NCAPG: variants seen among roughly 807,000 people sequenced by gnomAD.
NCAPG encodes the protein condensin complex subunit 3.
Under a neutral mutation model 113.1 loss-of-function variants are expected in NCAPG, and 69 were observed. The ratio of observed to expected loss-of-function variants is 0.61; its 90% CI spans 0.50 to 0.75. The LOEUF (loss-of-function observed/expected upper bound fraction) is 0.75, where lower values mean the gene tolerates loss of function less well. Ranked by LOEUF, NCAPG falls within the 30% of genes least tolerant of loss-of-function variation. The pLI, the probability that NCAPG is intolerant of heterozygous loss-of-function variation, is 0.00. For synonymous variants in NCAPG, 370 were observed against 415.8 expected (o/e 0.89, Z 1.34); for missense variants, 1,058 against 1,177.0 (o/e 0.90, Z 1.48).
Position 17,815,341 on chromosome 4 carries a change from G to C in NCAPG, c.758G>C (p.Gly253Ala), listed in dbSNP as rs1409863021. 1 of 1,585,382 alleles carries C rather than the reference G, an allele frequency of 6.3e-7. No individual in the cohort carries two copies. The highest frequency in any genetic ancestry group is 8.5e-7 in the Non-Finnish European group (1 of 1,173,140). ...IAQRVMLLQQ[G>A]LNDRSDAVKQ... ...CAGAGAGTAATGCTCCTTCAACAAG[G>C]TCTTAATGACAGATCAGGTAAGATA... The change falls in exon 5 of 21, where the codon GGT becomes GCT. Residue 253 changes from glycine (G) to alanine (A), a missense_variant. Gly to Ala is a moderately conservative substitution (Grantham distance 60). Coordinates refer to ENST00000251496, the MANE Select transcript of NCAPG (RefSeq NM_022346.5).
At position 17,825,551 on chromosome 4, in the gene NCAPG, A is replaced by G; in HGVS notation, c.1643A>G (p.His548Arg). Residue 548 changes from histidine (H) to arginine (R), a missense_variant, in exon 11 of 21, where the codon CAC becomes CGC. Coordinates refer to ENST00000251496, the MANE Select transcript of NCAPG (RefSeq NM_022346.5). ...ETEQLEIKEV[H>R]IEKNDAETLQ... is the part of the protein sequence containing the mutation. Reference sequence around the variant, plus strand: ...GAGCAACTTGAAATTAAAGAAGTCCACATAGAGAAGGTACAGGTAACTTTT... The same window carrying G: ...GAGCAACTTGAAATTAAAGAAGTCCGCATAGAGAAGGTACAGGTAACTTTT... 1 of 1,591,958 alleles carries G rather than the reference A, an allele frequency of 6.3e-7. No individual in the cohort carries two copies.
rs1722162012 is a variant in NCAPG at position 17,837,722 on chromosome 4, C to G, written c.2387C>G (p.Thr796Arg). Residue 796 changes from threonine to arginine, a missense_variant, in exon 16 of 21, where the codon ACA becomes AGA. Physicochemically the swap from Thr to Arg is moderately conservative, Grantham distance 71. Transcript: ENST00000251496. ...TCTCCTTTAGCTGAAATTGATATCA[C>G]AAATGTTGCTGAGTTACTTGTAGAT... is the stretch of plus-strand genomic sequence containing the variant. ...ASSPLAEIDI[T>R]NVAELLVDLT... is the part of the protein sequence containing the mutation. 1.9e-6 allele frequency: 3 copies of G among 1,613,996 alleles called. No homozygotes were observed. The African/African-American group carries it at 4.0e-5, about 22-fold the overall frequency.
At chr4:17,820,091 G>C (rs546704225) in intron 7 of NCAPG, among the ~76,000 whole-genome samples, 1 of 152,242 alleles carries the variant, frequency 6.6e-6, no homozygotes, top group Admixed American at 6.5e-5. Flanking sequence ...GATGTTTATA[G>C]AAGGTAGTGA....
At position 17,831,009 on chromosome 4, in the gene NCAPG, A is replaced by G. The variant is rs753489899; in HGVS notation, c.1777A>G (p.Ile593Val). 10 of 1,611,476 alleles carry G rather than the reference A, an allele frequency of 6.2e-6. No individual in the cohort carries two copies. In the South Asian group the frequency reaches 9.9e-5, roughly 16 times the overall value. ...GIIESLILPG[I>V]ISIHPVVRNL... Reference sequence around the variant, plus strand: ...TGATTCATTTTAGATTCTTCCTGGAATAATAAGTATTCATCCTGTTGTAAG... The same window carrying G: ...TGATTCATTTTAGATTCTTCCTGGAGTAATAAGTATTCATCCTGTTGTAAG... Residue 593 changes from isoleucine to valine, a missense_variant, in exon 13 of 21, where the codon ATA (isoleucine) becomes GTA (valine). Ile to Val is a conservative substitution (Grantham distance 29). Transcript: ENST00000251496.
At chr4:17,823,274 T>A (rs1310946693) in intron 8 of NCAPG, 151 bp downstream of exon 8, 3 of 605,268 alleles carry the variant, frequency 5.0e-6, no homozygotes, top group Non-Finnish European at 8.2e-6. Flanking sequence ...TTTCCATATA[T>A]ACACATACAT....
At chr4:17,829,031 A>C (rs1377464849) in intron 12 of NCAPG, among the ~76,000 whole-genome samples, 2 of 151,888 alleles carry the variant, frequency 1.3e-5, no homozygotes, top group Non-Finnish European at 2.9e-5. Context: ...CAAAATATTA[A>C]TCATTTCATT....
Position 17,821,236 on chromosome 4 carries a change from G to A in NCAPG, c.1119-1747G>A, listed in dbSNP as rs114008414. On this transcript the variant is annotated intron_variant, in intron 7 of 20. Transcript: ENST00000251496. ...TTTTCTTTTAGCCTGTCAGAAAAGA[G>A]TAACTCTACTGATTGGTTGATTTTG... Among the ~76,000 whole-genome samples, 1,014 of 152,194 alleles carry A rather than the reference G, an allele frequency of 6.7e-3. 15 individuals carry two copies. Among genetic ancestry groups the A allele is most frequent in the African/African-American group, 0.024 (976 of 41,522 alleles).
At chr4:17,837,124 AATAAATTT>A (rs1722131487) in intron 14 of NCAPG, 27 bp from the exon 15 acceptor site, 1 of 1,596,090 alleles carries the variant, frequency 6.3e-7, no homozygotes, top group East Asian at 2.2e-5. Flanking sequence ...AGGAGATACA[AATAAATTT>A]CTTCTAATGA....
intron 16 of NCAPG, 118 bp from the exon 17 acceptor site, chr4:17,839,558 C>T: frequency 5.5e-6 from 4 of 727,036 alleles, no homozygotes; most frequent in Non-Finnish European, 8.0e-6. Context: ...TGGTTTTAGA[C>T]ATTTTATATT....
At chr4:17,828,079 G>T (rs1426600649) in intron 11 of NCAPG, among the ~76,000 whole-genome samples, 199 bp from the exon 12 acceptor site, 2 of 152,092 alleles carry the variant, frequency 1.3e-5, no homozygotes, top group Non-Finnish European at 2.9e-5. Flanking sequence ...AGGATTACAG[G>T]CGTGAGTCGT....
Position 17,843,205 on chromosome 4 carries a change from C to T in NCAPG, c.2925-97C>T. ...ATGGAATCAGGCTATCAATTAAACACTGATAGAATGTGAGTCAGAAACAAA... is the reference window on the plus strand; with the variant it reads ...ATGGAATCAGGCTATCAATTAAACATTGATAGAATGTGAGTCAGAAACAAA... On this transcript the variant is annotated intron_variant, in intron 20 of 20. Transcript: ENST00000251496. The T allele has an allele frequency of 9.9e-6, 13 of 1,318,560 alleles. No individual in the cohort carries two copies. In the South Asian group the frequency reaches 1.9e-4, roughly 19 times the overall value. 81.7% of individuals were successfully genotyped at this position (1,318,560 alleles called of 1,614,324 possible). A position where few individuals can be genotyped will look rare whatever the true frequency, so the allele number is the denominator to read the frequency against.
chr4:17,833,731 TG>T (rs1197713961), intron 13 of NCAPG, among the ~76,000 whole-genome samples: 1 of 152,036 alleles, frequency 6.6e-6, no homozygotes, highest in African/African-American at 2.4e-5. Flanking sequence ...CAAAGTGCTG[TG>T]TTTCGTGATT....
rs765481357 is a variant in NCAPG, at chr4:17,839,715, A to C, written c.2506A>C (p.Asn836His). The C allele has an allele frequency of 6.4e-7, 1 of 1,567,428 alleles. No homozygotes were observed. Among genetic ancestry groups the C allele is most frequent in the Non-Finnish European group, 8.6e-7 (1 of 1,166,188 alleles). Residue 836 changes from asparagine to histidine, a missense_variant, in exon 17 of 21, where the codon AAT (asparagine) becomes CAT (histidine). Asn to His is a moderately conservative substitution (Grantham distance 68). Transcript: ENST00000251496. Reference sequence around the variant, plus strand: ...TGACAATTTGGCTATGAAAATTTGCAATGAGATCTTAACAAGTCCGTGCTC... The same window carrying C: ...TGACAATTTGGCTATGAAAATTTGCCATGAGATCTTAACAAGTCCGTGCTC... ...VHDNLAMKIC[N>H]EILTSPCSPE...
chr4:17,831,018 A>T lies in NCAPG; in HGVS notation c.1786A>T (p.Ile596Phe). The T allele has an allele frequency of 6.2e-7, 1 of 1,612,810 alleles. No individual in the cohort carries two copies. Among genetic ancestry groups the T allele is most frequent in the Non-Finnish European group, 8.5e-7 (1 of 1,179,148 alleles). The change falls in exon 13 of 21, where the codon ATT becomes TTT. Residue 596 changes from isoleucine (I) to phenylalanine (F), a missense_variant. Coordinates refer to ENST00000251496, the MANE Select transcript of NCAPG (RefSeq NM_022346.5). ...TTAGATTCTTCCTGGAATAATAAGTATTCATCCTGTTGTAAGAAACCTGGC... is the reference window on the plus strand; with the variant it reads ...TTAGATTCTTCCTGGAATAATAAGTTTTCATCCTGTTGTAAGAAACCTGGC... Reference protein sequence around the residue: ...ESLILPGIISIHPVVRNLAVL... With the variant: ...ESLILPGIISFHPVVRNLAVL...
At chr4:17,837,550 T>G in intron 15 of NCAPG, 77 bp from the exon 16 acceptor site, 1 of 1,465,546 alleles carries the variant, frequency 6.8e-7, no homozygotes, top group Non-Finnish European at 9.2e-7. Flanking sequence ...ATTTCCTACA[T>G]AGTAGTTTTG....
chr4:17,844,433 A>G lies in NCAPG; in HGVS notation c.*1008A>G, dbSNP rs1722728153. ...ACTAGAGGCCATTTACTTAAGGTGAAATTTTAAGATGGAGCTAAAGTAAGA... is the reference window on the plus strand; with the variant it reads ...ACTAGAGGCCATTTACTTAAGGTGAGATTTTAAGATGGAGCTAAAGTAAGA... On this transcript the variant is annotated 3_prime_UTR_variant, in exon 21 of 21. Coordinates refer to ENST00000251496, the MANE Select transcript of NCAPG (RefSeq NM_022346.5). 2 of 152,386 alleles carry G rather than the reference A, an allele frequency of 1.3e-5. No individual in the cohort carries two copies. The highest frequency in any genetic ancestry group is 1.3e-4 in the Admixed American group (2 of 15,244). 9.4% of individuals were successfully genotyped at this position (152,386 alleles called of 1,614,324 possible). A position where few individuals can be genotyped will look rare whatever the true frequency, so the allele number is the denominator to read the frequency against.
At chr4:17,815,929 G>A (rs1721186651) in intron 5 of NCAPG, among the ~76,000 whole-genome samples, 1 of 151,946 alleles carries the variant, frequency 6.6e-6, no homozygotes, top group Non-Finnish European at 1.5e-5. Context: ...CATGTCAGAA[G>A]TAGGAAAAGA....
intron 12 of NCAPG, among the ~76,000 whole-genome samples, chr4:17,830,517 G>A (rs1409711269): frequency 6.6e-6 from 1 of 150,378 alleles, no homozygotes; most frequent in African/African-American, 2.5e-5. Flanking sequence ...ACGATGTTTT[G>A]GTTATATTGA....
At position 17,824,479 on chromosome 4, in the gene NCAPG, C is replaced by G. The variant is rs1721578874; in HGVS notation, c.1384-489C>G. On this transcript the variant is annotated intron_variant, in intron 9 of 20. Coordinates refer to ENST00000251496, the MANE Select transcript of NCAPG (RefSeq NM_022346.5). ...TAAATACTTTCATTTGGGAGGCAGC[C>G]TTTTCCTGATCAGCCAATTCCAATA... 2.6e-5 allele frequency among the ~76,000 whole-genome samples: 4 copies of G among 152,052 alleles called. No individual in the cohort carries two copies. In the South Asian group the frequency reaches 8.3e-4, roughly 31 times the overall value.
Sources: allele counts gnomAD v4.1 joint callset (sites outside exome capture counted in the v4.1 genomes callset), GRCh38; gene constraint gnomAD v4.1.1; transcripts MANE v1.5; gene names NCBI Gene and HGNC (gene_info 2026-07-23, HGNC 2026-07-21).